Variants in ABTB3 observed in about 807,000 individuals in gnomAD.
The protein encoded by ABTB3 is ankyrin repeat- and BTB/POZ domain-containing protein 3.
the ABTB3 span, among the ~76,000 whole-genome samples, chr12:107,367,964 T>C: frequency 6.6e-6 from 1 of 152,336 alleles, no homozygotes; most frequent in Non-Finnish European, 1.5e-5. Flanking sequence ...ATAGAAACGA[T>C]ATTGCACAAA....
the ABTB3 span, among the ~76,000 whole-genome samples, chr12:107,612,058 T>G: frequency 6.6e-6 from 1 of 152,280 alleles, no homozygotes; most frequent in Admixed American, 6.5e-5. Context: ...TTTTCCTGTA[T>G]ATCTCTAATC....
chr12:107,492,971 G>A, the ABTB3 span, among the ~76,000 whole-genome samples: 1 of 151,992 alleles, frequency 6.6e-6, no homozygotes, highest in Non-Finnish European at 1.5e-5. Context: ...TGTTTAGTAG[G>A]TATTGGTGCT....
the ABTB3 span, among the ~76,000 whole-genome samples, chr12:107,585,931 T>A: frequency 6.6e-6 from 1 of 152,212 alleles, no homozygotes; most frequent in East Asian, 1.9e-4. Flanking sequence ...ATCTGTATGG[T>A]ACCTGATCTT....
chr12:107,651,679 G>A, the ABTB3 span: 6 of 1,613,632 alleles, frequency 3.7e-6, no homozygotes, highest in East Asian at 1.1e-4. Flanking sequence ...TTTAGCTTCT[G>A]TCTGCTGCTA....
the ABTB3 span, among the ~76,000 whole-genome samples, chr12:107,404,162 C>CAAAAAAAAAAAA: frequency 5.0e-5 from 2 of 40,252 alleles, no homozygotes; most frequent in African/African-American, 1.1e-4. Flanking sequence ...GACTCTAACT[C>CAAAAAAAAAAAA]AAAAAAAAAA....
chr12:107,418,905 G>A, the ABTB3 span, among the ~76,000 whole-genome samples: 1 of 152,154 alleles, frequency 6.6e-6, no homozygotes, highest in African/African-American at 2.4e-5. Context: ...CCTGTCCTCA[G>A]TCCTACCCCC....
chr12:107,411,359 C>A, the ABTB3 span, among the ~76,000 whole-genome samples: 1 of 152,196 alleles, frequency 6.6e-6, no homozygotes, highest in East Asian at 1.9e-4. Flanking sequence ...AATTCAATTG[C>A]TTGGCTGCCT....
chr12:107,503,126 C>A, the ABTB3 span, among the ~76,000 whole-genome samples: 1 of 152,150 alleles, frequency 6.6e-6, no homozygotes. Flanking sequence ...CCTTTATTAT[C>A]GTTTCCGAGG....
At chr12:107,576,577 C>T in the ABTB3 span, among the ~76,000 whole-genome samples, 35 of 152,176 alleles carry the variant, frequency 2.3e-4, no homozygotes, top group African/African-American at 8.4e-4. Context: ...TTCAAAGGCT[C>T]TCTCTCCAAA....
chr12:107,555,385 G>A, the ABTB3 span, among the ~76,000 whole-genome samples: 44 of 152,308 alleles, frequency 2.9e-4, 1 homozygote, highest in African/African-American at 8.9e-4. Context: ...CTGACCACAG[G>A]TGACAAGCTA....
At chr12:107,319,914 C>G in the ABTB3 span, 1 of 1,459,134 alleles carries the variant, frequency 6.9e-7, no homozygotes, top group Non-Finnish European at 9.1e-7. Context: ...GCCGCAGTCC[C>G]GCCGGCAGCC....
At chr12:107,438,316 G>A in the ABTB3 span, among the ~76,000 whole-genome samples, 1 of 152,186 alleles carries the variant, frequency 6.6e-6, no homozygotes, top group Non-Finnish European at 1.5e-5. Flanking sequence ...CCATTCTACT[G>A]AGAATGGATA....
chr12:107,558,181 A>G, the ABTB3 span, among the ~76,000 whole-genome samples: 1 of 152,262 alleles, frequency 6.6e-6, no homozygotes, highest in African/African-American at 2.4e-5. Context: ...GGGGACGCAT[A>G]GACCAACTGA....
At chr12:107,492,975 T>A in the ABTB3 span, among the ~76,000 whole-genome samples, 1 of 152,044 alleles carries the variant, frequency 6.6e-6, no homozygotes, top group South Asian at 2.1e-4. Context: ...TAGTAGGTAT[T>A]GGTGCTGCTG....
the ABTB3 span, among the ~76,000 whole-genome samples, chr12:107,548,663 C>G: frequency 6.6e-6 from 1 of 152,122 alleles, no homozygotes; most frequent in Non-Finnish European, 1.5e-5. Context: ...TTACAAAACT[C>G]AGACAAATTT....
chr12:107,394,760 C>G, the ABTB3 span, among the ~76,000 whole-genome samples: 1 of 152,238 alleles, frequency 6.6e-6, no homozygotes, highest in Non-Finnish European at 1.5e-5. Flanking sequence ...ACAGAGCAAG[C>G]TCTCAGTAAA....
At chr12:107,638,358 A>G in the ABTB3 span, among the ~76,000 whole-genome samples, 1 of 152,188 alleles carries the variant, frequency 6.6e-6, no homozygotes, top group Admixed American at 6.5e-5. Context: ...CAGCCAGACC[A>G]GGGCCCCAAG....
chr12:107,493,077 G>GAA, the ABTB3 span, among the ~76,000 whole-genome samples: 60 of 130,976 alleles, frequency 4.6e-4, no homozygotes, highest in African/African-American at 1.8e-3. Context: ...AAGCCACAGA[G>GAA]AAAAGAAAAA....
chr12:107,419,581 T>C, the ABTB3 span, among the ~76,000 whole-genome samples: 1,517 of 152,276 alleles, frequency 1.0e-2, 35 homozygotes, highest in African/African-American at 0.034. Context: ...GCACTTTGTC[T>C]ACAGCCGCTC....
Sources: allele counts gnomAD v4.1 joint callset (sites outside exome capture counted in the v4.1 genomes callset), GRCh38; gene constraint gnomAD v4.1.1; transcripts MANE v1.5; gene names NCBI Gene and HGNC (gene_info 2026-07-23, HGNC 2026-07-21).